SMG5: variants seen among roughly 807,000 people sequenced by gnomAD.
SMG5 encodes nonsense-mediated mRNA decay factor SMG5.
In SMG5, 53 loss-of-function variants were observed where a neutral mutation model predicts 122.9. The ratio of observed to expected loss-of-function variants is 0.43; its 90% CI spans 0.35 to 0.54. The LOEUF (loss-of-function observed/expected upper bound fraction) is 0.54, where lower values mean the gene tolerates loss of function less well. SMG5 is among the 20% of genes least tolerant of loss of function. The probability of loss-of-function intolerance (pLI) is 0.01; values close to 1 mark genes in which losing one functional copy is unlikely to be tolerated. For missense variants in SMG5, 1,153 were observed against 1,285.6 expected (o/e 0.90, Z 1.58); for synonymous variants, 477 against 490.2 (o/e 0.97, Z 0.35).
intron 2 of SMG5, 46 bp downstream of exon 2, chr1:156,278,890 A>G: frequency 6.7e-7 from 1 of 1,494,148 alleles, no homozygotes; most frequent in Non-Finnish European, 9.3e-7. Flanking sequence ...TGGTAGAGAT[A>G]GGCAGGGAAA....
At chr1:156,274,906 T>C (rs1662611737) in intron 4 of SMG5, among the ~76,000 whole-genome samples, 2 of 151,822 alleles carry the variant, frequency 1.3e-5, no homozygotes, top group South Asian at 4.2e-4. Flanking sequence ...GATTCATTCA[T>C]AGGACAGGAA....
At chr1:156,270,237 C>G (rs1333244199) in intron 7 of SMG5, among the ~76,000 whole-genome samples, 1 of 152,214 alleles carries the variant, frequency 6.6e-6, no homozygotes, top group African/African-American at 2.4e-5. Context: ...CCCCTTAAAT[C>G]TTGCAGGGGG....
rs752939820 is a variant in SMG5, at chr1:156,266,623, G to A, written c.1173C>T (p.Leu391=). 3 of 1,614,058 alleles carry A rather than the reference G, an allele frequency of 1.9e-6. No homozygotes were observed. Among genetic ancestry groups the A allele is most frequent in the Middle Eastern group, 1.6e-4 (1 of 6,062 alleles). ...GCAGCCGTATGTTGACATGATTGAC[G>A]AGGTGGGAAAAGAGGGCCAGGGTGA... ...IAFTLALFSH[L]VNHVNIRLQA... The change falls in exon 11 of 22, where the codon CTC becomes CTT. Residue 391 remains leucine, a synonymous_variant. Coordinates refer to ENST00000361813, the MANE Select transcript of SMG5 (RefSeq NM_015327.3).
At chr1:156,291,410 G>A in the SMG5 span, 42 of 1,613,966 alleles carry the variant, frequency 2.6e-5, no homozygotes, top group East Asian at 8.2e-4. Flanking sequence ...GACCTTTGCC[G>A]TGGGCCGCTC....
intron 16 of SMG5, among the ~76,000 whole-genome samples, chr1:156,256,178 C>T (rs527368448): frequency 1.3e-5 from 2 of 152,004 alleles, no homozygotes; most frequent in Non-Finnish European, 1.5e-5. Context: ...TCCACTCCCA[C>T]CCCCCTGCAG....
intron 9 of SMG5, 65 bp downstream of exon 9, chr1:156,268,050 C>A: frequency 6.5e-7 from 1 of 1,529,720 alleles, no homozygotes; most frequent in Non-Finnish European, 9.0e-7. Flanking sequence ...TGTCAAGGTT[C>A]CTTCTGTAAA....
Position 156,260,516 on chromosome 1 carries a change from G to A in SMG5, c.2218C>T (p.Leu740Phe), listed in dbSNP as rs1661773314. 1 of 1,589,676 alleles carries A rather than the reference G, an allele frequency of 6.3e-7. No individual in the cohort carries two copies. Among genetic ancestry groups the A allele is most frequent in the African/African-American group, 1.4e-5 (1 of 72,990 alleles). The change falls in exon 15 of 22, where the codon CTC becomes TTC. Residue 740 changes from leucine (L) to phenylalanine (F), a missense_variant. By Grantham distance (22) the Leu-to-Phe change is conservative (BLOSUM62 0). This residue lies in a region of SMG5 where 631 missense variants were observed against 650.6 expected (regional missense o/e 0.97). Transcript: ENST00000361813. Reference sequence around the variant, plus strand: ...TTAAAGCGTCTGTGGGCAGCTCGGAGCGGGGGCAGGTTACGAAGAGCCATG... The same window carrying A: ...TTAAAGCGTCTGTGGGCAGCTCGGAACGGGGGCAGGTTACGAAGAGCCATG... ...EDMALRNLPP[L>F]RAAHRRFNFD...
At chr1:156,284,058 C>G (rs554191227), upstream of SMG5, among the ~76,000 whole-genome samples, 26 of 152,328 alleles carry the variant, frequency 1.7e-4, no homozygotes, top group Non-Finnish European at 3.1e-4. Context: ...CAGCCTACTC[C>G]GAGCACCCTT....
intron 17 of SMG5, 107 bp downstream of exon 17, chr1:156,253,340 CAG>C: frequency 8.5e-7 from 1 of 1,180,578 alleles, no homozygotes; most frequent in Middle Eastern, 2.4e-4. Context: ...CGGAGGGACA[CAG>C]AGGCAACAGA....
the SMG5 span, among the ~76,000 whole-genome samples, chr1:156,288,400 A>G: frequency 5.5e-4 from 83 of 151,154 alleles, no homozygotes; most frequent in African/African-American, 1.8e-3. Flanking sequence ...CAGTGGCGCA[A>G]TCTTGGCTCA....
Position 156,260,547 on chromosome 1 carries a change from TGGGAGCAGAAGGCTAGAG to T in SMG5, c.2169_2186del (p.Ser724_Pro729del). 1 of 1,567,372 alleles carries T rather than the reference TGGGAGCAGAAGGCTAGAG, an allele frequency of 6.4e-7. No individual in the cohort carries two copies. The highest frequency in any genetic ancestry group is 8.6e-7 in the Non-Finnish European group (1 of 1,162,996). ...GCAGGTTACGAAGAGCCATGTCCTC[TGGGAGCAGAAGGCTAGAG>T]GGGAGGTCAGGCAGTTCACAACCTT... On this transcript the variant is annotated inframe_deletion, in exon 15 of 22. Coordinates refer to ENST00000361813, the MANE Select transcript of SMG5 (RefSeq NM_015327.3).
At chr1:156,285,944 C>A (rs763168041), upstream of SMG5, 1 of 1,612,408 alleles carries the variant, frequency 6.2e-7, no homozygotes, top group Non-Finnish European at 8.5e-7. Context: ...GATCTACACA[C>A]TGCGCTGCGG....
chr1:156,285,740 C>T (rs1424757713), upstream of SMG5: 14 of 1,612,988 alleles, frequency 8.7e-6, no homozygotes, highest in Admixed American at 3.3e-5. Context: ...CCCCACTGAG[C>T]GCAAGTGGGC....
At chr1:156,276,127 CTT>C (rs144991356) in intron 4 of SMG5, among the ~76,000 whole-genome samples, 70 of 128,664 alleles carry the variant, frequency 5.4e-4, no homozygotes, top group Non-Finnish European at 4.5e-4. Flanking sequence ...AGAGGTTTGG[CTT>C]TTTTTTTTTT....
chr1:156,275,126 C>G (rs1340991943), intron 4 of SMG5, among the ~76,000 whole-genome samples: 1 of 99,506 alleles, frequency 1.0e-5, no homozygotes, highest in Non-Finnish European at 2.2e-5. Context: ...GTGAATGACG[C>G]CAATTAAAAA....
intron 5 of SMG5, among the ~76,000 whole-genome samples, chr1:156,273,846 C>T (rs1272654277): frequency 2.0e-5 from 3 of 151,858 alleles, no homozygotes; most frequent in African/African-American, 4.8e-5. Context: ...CGTGCCACCA[C>T]GCCCAGCCTG....
At chr1:156,273,538 G>T in intron 5 of SMG5, 88 bp from the exon 6 acceptor site, 2 of 1,261,660 alleles carry the variant, frequency 1.6e-6, no homozygotes, top group Non-Finnish European at 1.1e-6. Flanking sequence ...TCTGAGAGTG[G>T]TAACAAGAGC....
chr1:156,252,361 T>A, intron 19 of SMG5, 53 bp downstream of exon 19: 1 of 1,559,888 alleles, frequency 6.4e-7, no homozygotes, highest in Non-Finnish European at 8.8e-7. Context: ...AAGCATGTGT[T>A]ATCCAAAAGA....
At chr1:156,266,514 T>G (rs762995629) in intron 11 of SMG5, 27 bp downstream of exon 11, 2 of 1,614,008 alleles carry the variant, frequency 1.2e-6, no homozygotes, top group Admixed American at 3.3e-5. Context: ...AACCTTTCCA[T>G]AGTGATGACC....
Sources: gnomAD v4.1 joint callset for allele counts (sites outside exome capture counted in the v4.1 genomes callset) on GRCh38, gnomAD v4.1.1 for gene constraint, gnomAD v4.1.1 regional missense constraint, MANE v1.5 for transcripts, NCBI Gene and HGNC (gene_info 2026-07-23, HGNC 2026-07-21) for gene names.